FAM184A: variants seen among roughly 807,000 people sequenced by gnomAD.
FAM184A encodes protein FAM184A.
Under a neutral mutation model 143.8 loss-of-function variants are expected in FAM184A, and 99 were observed. The ratio of observed to expected loss-of-function variants is 0.69; its 90% CI spans 0.58 to 0.81. The LOEUF is 0.81. Among genes scored for constraint, FAM184A ranks in the 40% least tolerant of loss-of-function variants. FAM184A has a pLI of 0.00. For missense variants in FAM184A, 1,217 were observed against 1,310.5 expected (o/e 0.93, Z 1.10); for synonymous variants, 427 against 446.4 (o/e 0.96, Z 0.55).
intron 16 of FAM184A, chr6:118,962,708 T>G (rs773936578): frequency 6.6e-6 from 1 of 152,140 alleles, no homozygotes; most frequent in Non-Finnish European, 1.5e-5. Context: ...AATTAAGAGA[T>G]AAAAAGACAA....
chr6:119,093,484 G>C (rs1788426383), intron 1 of FAM184A, among the ~76,000 whole-genome samples: 1 of 152,166 alleles, frequency 6.6e-6, no homozygotes, highest in African/African-American at 2.4e-5. Flanking sequence ...TATTCCCATA[G>C]ATCTTTTCCT....
chr6:119,146,357 A>G (rs1421593628), intron 1 of FAM184A, among the ~76,000 whole-genome samples: 1 of 151,590 alleles, frequency 6.6e-6, no homozygotes, highest in Non-Finnish European at 1.5e-5. Context: ...GAGAAAAATT[A>G]TATACCATCT....
At chr6:119,133,344 C>T (rs967364217) in intron 1 of FAM184A, among the ~76,000 whole-genome samples, 1 of 151,982 alleles carries the variant, frequency 6.6e-6, no homozygotes, top group South Asian at 2.1e-4. Context: ...ATTGTCACAG[C>T]TTAAGATCCC....
intron 1 of FAM184A, among the ~76,000 whole-genome samples, chr6:119,105,769 G>A (rs945050052): frequency 6.6e-6 from 1 of 152,132 alleles, no homozygotes; most frequent in Non-Finnish European, 1.5e-5. Flanking sequence ...TACAAAGCTG[G>A]TCTTGCCCTT....
In FAM184A at chr6:119,024,379, T is replaced by C. The variant is rs1785557958; in HGVS notation, c.594A>G (p.Ile198Met). ...CCTGCTGTGACTTCAATAGCTCTTGTATCTCCCGTCTGTGAGCAGCTTGCA... is the reference window on the plus strand; with the variant it reads ...CCTGCTGTGACTTCAATAGCTCTTGCATCTCCCGTCTGTGAGCAGCTTGCA... ...EDLQAAHRRE[I>M]QELLKSQQDH... Residue 198 changes from isoleucine to methionine, a missense_variant, in exon 2 of 18, where the codon ATA becomes ATG. Coordinates refer to ENST00000338891, the MANE Select transcript of FAM184A (RefSeq NM_024581.6). The C allele has an allele frequency of 6.2e-7, 1 of 1,614,216 alleles. No individual in the cohort carries two copies. The highest frequency in any genetic ancestry group is 8.5e-7 in the Non-Finnish European group (1 of 1,180,038).
At chr6:118,970,369 C>T (rs1783660157) in intron 14 of FAM184A, among the ~76,000 whole-genome samples, 1 of 151,938 alleles carries the variant, frequency 6.6e-6, no homozygotes, top group African/African-American at 2.4e-5. Context: ...AACACTCAGG[C>T]AGGACTTCAG....
At chr6:119,012,040 G>T (rs1785106083) in intron 5 of FAM184A, among the ~76,000 whole-genome samples, 1 of 152,182 alleles carries the variant, frequency 6.6e-6, no homozygotes, top group African/African-American at 2.4e-5. Context: ...GAGTACGGGA[G>T]TATATGGAAG....
chr6:119,013,456 C>T (rs1192808401), intron 5 of FAM184A, among the ~76,000 whole-genome samples: 1 of 151,936 alleles, frequency 6.6e-6, no homozygotes, highest in East Asian at 1.9e-4. Context: ...AAAGTAATAC[C>T]AAAAGATAGC....
chr6:119,137,925 A>G (rs1772079395), intron 1 of FAM184A, among the ~76,000 whole-genome samples: 1 of 152,204 alleles, frequency 6.6e-6, no homozygotes, highest in African/African-American at 2.4e-5. Flanking sequence ...CCCAACAGAA[A>G]TTCTTAGCAA....
At chr6:119,079,808 A>C (rs1788007655), upstream of FAM184A, among the ~76,000 whole-genome samples, 1 of 152,206 alleles carries the variant, frequency 6.6e-6, no homozygotes, top group Non-Finnish European at 1.5e-5. Flanking sequence ...GTGAAGGTTT[A>C]ATCGGACCCT....
intron 1 of FAM184A, among the ~76,000 whole-genome samples, chr6:119,029,875 G>C (rs1785805913): frequency 6.6e-6 from 1 of 152,024 alleles, no homozygotes; most frequent in African/African-American, 2.4e-5. Flanking sequence ...ATTGCCTATA[G>C]CTGCTTTCCC....
At chr6:119,037,910 C>T (rs1359659584) in intron 1 of FAM184A, among the ~76,000 whole-genome samples, 2 of 152,092 alleles carry the variant, frequency 1.3e-5, no homozygotes, top group African/African-American at 2.4e-5. Flanking sequence ...GTTTTATCTA[C>T]GAGGCATCTT....
At chr6:118,964,613 T>G (rs558140727) in intron 16 of FAM184A, 54 bp downstream of exon 16, 3 of 1,043,326 alleles carry the variant, frequency 2.9e-6, no homozygotes, top group Admixed American at 2.3e-5. Context: ...TTTCACCAAA[T>G]TTTTAACCAA....
At chr6:119,021,967 C>A (rs1233259255) in intron 3 of FAM184A, among the ~76,000 whole-genome samples, 1 of 151,598 alleles carries the variant, frequency 6.6e-6, no homozygotes, top group Non-Finnish European at 1.5e-5. Flanking sequence ...CAGAACAAGA[C>A]CTTGTCTCAA....
At chr6:119,026,682 T>G (rs1349703211) in intron 1 of FAM184A, among the ~76,000 whole-genome samples, 3 of 152,040 alleles carry the variant, frequency 2.0e-5, no homozygotes, top group African/African-American at 7.3e-5. Flanking sequence ...ACAGAGATCA[T>G]AAGACTGACA....
rs572324682 is a variant in FAM184A, at chr6:119,095,665, C to T, written c.-202+53413G>A. 3.2e-3 allele frequency among the ~76,000 whole-genome samples: 493 copies of T among 152,074 alleles called. 1 individual carries two copies. Among genetic ancestry groups the T allele is most frequent in the Non-Finnish European group, 3.0e-3 (207 of 67,994 alleles). On this transcript the variant is annotated intron_variant, in intron 1 of 16. Coordinates refer to the FAM184A transcript ENST00000352896. Reference sequence around the variant, plus strand: ...CCTCGAACACTTGGGCTCAAGTGATCCTCCCACCTCAGCCTCCTGTGTAGC... The same window carrying T: ...CCTCGAACACTTGGGCTCAAGTGATTCTCCCACCTCAGCCTCCTGTGTAGC...
chr6:119,132,719 A>G (rs1193656870), intron 1 of FAM184A, among the ~76,000 whole-genome samples: 3 of 152,258 alleles, frequency 2.0e-5, no homozygotes, highest in Non-Finnish European at 4.4e-5. Flanking sequence ...TAGCTGTCTA[A>G]TCTTTTGCAA....
At chr6:119,115,998 CACACACACAT>C (rs1363987845) in intron 1 of FAM184A, among the ~76,000 whole-genome samples, 9 of 151,688 alleles carry the variant, frequency 5.9e-5, no homozygotes, top group African/African-American at 1.9e-4. Flanking sequence ...CACACACACA[CACACACACAT>C]ACACACACAC....
At chr6:118,994,687 AAATAAATAAATAAATAAATAAAT>A (rs1784489176) in intron 9 of FAM184A, among the ~76,000 whole-genome samples, 10 of 137,894 alleles carry the variant, frequency 7.3e-5, no homozygotes, top group Admixed American at 2.2e-4. Context: ...CTCCATCTCT[AAATAAATAAATAAATAAATAAAT>A]AAATAAATAA....
Sources: gnomAD v4.1 joint callset for allele counts (sites outside exome capture counted in the v4.1 genomes callset) on GRCh38, gnomAD v4.1.1 for gene constraint, MANE v1.5 for transcripts, NCBI Gene and HGNC (gene_info 2026-07-23, HGNC 2026-07-21) for gene names.